REEP1: variants seen among roughly 807,000 people sequenced by gnomAD.
REEP1 encodes the protein receptor expression-enhancing protein 1.
Under a neutral mutation model 40.3 loss-of-function variants are expected in REEP1, and 22 were observed. That is an observed-to-expected ratio of 0.55 (90% CI 0.39 to 0.78). The LOEUF (loss-of-function observed/expected upper bound fraction) is 0.78. Ranked by LOEUF, REEP1 falls within the 30% of genes least tolerant of loss-of-function variation. REEP1 has a pLI of 0.00. For missense variants in REEP1, 280 were observed against 361.1 expected, an observed-to-expected ratio of 0.78 and a Z score of 1.82; for synonymous variants, 116 against 139.2, an observed-to-expected ratio of 0.83 and a Z score of 1.17.
At chr2:86,335,572 CG>C (rs1680978976) in intron 1 of REEP1, among the ~76,000 whole-genome samples, 1 of 152,226 alleles carries the variant, frequency 6.6e-6, no homozygotes, top group Non-Finnish European at 1.5e-5. Flanking sequence ...GGGGAGGAGC[CG>C]GGCGTGGTAG....
chr2:86,263,738 C>T (rs1429436210), intron 3 of REEP1, among the ~76,000 whole-genome samples: 1 of 152,090 alleles, frequency 6.6e-6, no homozygotes, highest in African/African-American at 2.4e-5. Flanking sequence ...TGACTATATC[C>T]CCAGGGCTTA....
chr2:86,239,984 T>C (rs980351497), intron 5 of REEP1: 15 of 152,346 alleles, frequency 9.8e-5, no homozygotes, highest in African/African-American at 3.6e-4. Context: ...CCCAACTGGA[T>C]CAGTTTGGAG....
intron 1 of REEP1, among the ~76,000 whole-genome samples, chr2:86,300,064 T>C (rs1429773286): frequency 2.0e-5 from 3 of 152,276 alleles, no homozygotes; most frequent in Admixed American, 6.5e-5. Flanking sequence ...CAGCAGATGC[T>C]TGGATCTGCT....
At chr2:86,222,362 G>A (rs534890987) in intron 7 of REEP1, among the ~76,000 whole-genome samples, 1 of 152,348 alleles carries the variant, frequency 6.6e-6, no homozygotes, top group Admixed American at 6.5e-5. Context: ...AGAGGCCAGT[G>A]TGGGCAGTGA....
intron 6 of REEP1, among the ~76,000 whole-genome samples, chr2:86,230,543 C>T (rs1054963320): frequency 2.0e-5 from 3 of 152,256 alleles, no homozygotes; most frequent in African/African-American, 7.2e-5. Context: ...GGCTTGTGTC[C>T]TTCCAATGTC....
At chr2:86,332,660 C>A (rs909318791) in intron 1 of REEP1, among the ~76,000 whole-genome samples, 27 of 152,266 alleles carry the variant, frequency 1.8e-4, no homozygotes, top group African/African-American at 6.3e-4. Flanking sequence ...TAGGTGAGAC[C>A]CTCACTTGTC....
At chr2:86,232,320 C>T (rs1278089415) in intron 6 of REEP1, among the ~76,000 whole-genome samples, 1 of 152,228 alleles carries the variant, frequency 6.6e-6, no homozygotes, top group Non-Finnish European at 1.5e-5. Context: ...TGCCTGCTGC[C>T]TCCAGGCTTT....
chr2:86,232,291 C>T (rs1267262435), intron 6 of REEP1, among the ~76,000 whole-genome samples: 1 of 152,172 alleles, frequency 6.6e-6, no homozygotes, highest in African/African-American at 2.4e-5. Context: ...AGAAGGCTCC[C>T]GGGGCCCAGG....
Position 86,320,290 on chromosome 2 carries a change from G to A in REEP1, c.32+17189C>T, listed in dbSNP as rs117205663. ...TGCAGCCCAAATTTACACTACCAAC[G>A]TGGTCAAAATTTTAAAATCTCAAGA... On this transcript the variant is annotated intron_variant, in intron 1 of 8. Coordinates refer to ENST00000538924, the MANE Select transcript of REEP1 (RefSeq NM_001371279.1). Among the ~76,000 whole-genome samples the A allele has an allele frequency of 2.1e-3, 321 of 152,238 alleles. 11 individuals carry two copies. In the East Asian group the frequency reaches 0.027, roughly 13 times the overall value.
intron 2 of REEP1, among the ~76,000 whole-genome samples, chr2:86,270,628 A>T (rs1422235781): frequency 6.6e-6 from 1 of 152,270 alleles, no homozygotes; most frequent in Non-Finnish European, 1.5e-5. Context: ...CCTAGAATTC[A>T]AAAGCACAAT....
chr2:86,235,363 C>A (rs982059538), intron 5 of REEP1, among the ~76,000 whole-genome samples: 2 of 152,178 alleles, frequency 1.3e-5, no homozygotes, highest in African/African-American at 4.8e-5. Flanking sequence ...GAAGAGGATC[C>A]AAATGGCCGG....
At chr2:86,282,786 A>C (rs1678169958) in intron 1 of REEP1, among the ~76,000 whole-genome samples, 1 of 152,168 alleles carries the variant, frequency 6.6e-6, no homozygotes, top group African/African-American at 2.4e-5. Context: ...ATTGCTCTTA[A>C]GATGAAGAAG....
At chr2:86,283,976 G>C (rs184951276) in intron 1 of REEP1, among the ~76,000 whole-genome samples, 6 of 152,272 alleles carry the variant, frequency 3.9e-5, no homozygotes, top group South Asian at 2.1e-4. Context: ...TGAGCCACTG[G>C]GGGGATGAGA....
intron 2 of REEP1, among the ~76,000 whole-genome samples, chr2:86,269,333 G>A (rs534567616): frequency 6.6e-6 from 1 of 152,232 alleles, no homozygotes; most frequent in South Asian, 2.1e-4. Flanking sequence ...GAACTCCACT[G>A]TGGAAAATAT....
intron 1 of REEP1, among the ~76,000 whole-genome samples, chr2:86,295,130 A>G (rs1678916018): frequency 6.6e-6 from 1 of 152,260 alleles, no homozygotes; most frequent in Non-Finnish European, 1.5e-5. Flanking sequence ...AATTTTCAGC[A>G]CGTGTCTTAA....
chr2:86,256,347 CAAAAA>C (rs35885517), intron 3 of REEP1, among the ~76,000 whole-genome samples: 2 of 100,308 alleles, frequency 2.0e-5, no homozygotes, highest in African/African-American at 3.8e-5. Context: ...GATTCCATCT[CAAAAA>C]AAAAAAAAAA....
At chr2:86,313,205 G>A (rs1482867985) in intron 1 of REEP1, among the ~76,000 whole-genome samples, 1 of 151,840 alleles carries the variant, frequency 6.6e-6, no homozygotes, top group Non-Finnish European at 1.5e-5. Context: ...AACCACCTGG[G>A]CTCAAGTGAT....
rs11350708 is a variant in REEP1, at chr2:86,215,023, C to CTTTTTTTTT, written c.*2007_*2015dup. On this transcript the variant is annotated 3_prime_UTR_variant, in exon 9 of 9. Transcript: ENST00000538924. ...AAAAATTGCTAAGAAGCTGTGTAAG[C>CTTTTTTTTT]TTTTTTTTTTTTTTTTTTTTTTTGC... The CTTTTTTTTT allele has an allele frequency of 2.7e-4, 16 of 59,558 alleles. No individual in the cohort carries two copies. Among genetic ancestry groups the CTTTTTTTTT allele is most frequent in the Admixed American group, 5.8e-4 (2 of 3,470 alleles). The allele number at this position is 59,558 out of a possible 1,614,324, so 3.7% of individuals were successfully genotyped here.
intron 8 of REEP1, among the ~76,000 whole-genome samples, chr2:86,218,113 A>T (rs1025433208): frequency 6.6e-6 from 1 of 151,998 alleles, no homozygotes; most frequent in Non-Finnish European, 1.5e-5. Flanking sequence ...TCTGTCTTGC[A>T]TATTTCTAGG....
Sources: allele counts gnomAD v4.1 joint callset (sites outside exome capture counted in the v4.1 genomes callset), GRCh38; gene constraint gnomAD v4.1.1; transcripts MANE v1.5; gene names NCBI Gene and HGNC (gene_info 2026-07-23, HGNC 2026-07-21).